Variants in NUDT21 observed in about 807,000 individuals in gnomAD.
NUDT21 encodes cleavage and polyadenylation specificity factor subunit 5.
In NUDT21, 5 loss-of-function variants were observed where a neutral mutation model predicts 29.8. That is an observed-to-expected ratio of 0.17 (90% confidence interval 0.09 to 0.35). The LOEUF is 0.35. Ranked by LOEUF, NUDT21 falls within the 10% of genes least tolerant of loss-of-function variation. The pLI is 1.00. For synonymous variants in NUDT21, 113 were observed against 98.5 expected (o/e 1.15, Z -0.87); for missense variants, 76 against 276.0 (o/e 0.28, Z 5.13).
At chr16:56,433,113 A>G (rs1298840033) in intron 6 of NUDT21, among the ~76,000 whole-genome samples, 1 of 152,174 alleles carries the variant, frequency 6.6e-6, no homozygotes, top group Admixed American at 6.5e-5. Context: ...TTCCCCCCAT[A>G]TGCATTTCAA....
rs761176467 is a variant in NUDT21 at position 56,430,032 on chromosome 16, T to A, written c.*2680A>T. 6.6e-6 allele frequency: 1 copy of A among 152,206 alleles called. No homozygotes were observed. The highest frequency in any genetic ancestry group is 1.5e-5 in the Non-Finnish European group (1 of 68,024). 9.4% of individuals were successfully genotyped at this position (152,206 alleles called of 1,614,324 possible). On this transcript the variant is annotated 3_prime_UTR_variant, in exon 7 of 7. Transcript: ENST00000300291. Reference sequence around the variant, plus strand: ...TAAACATGGAAGAAAACAGACTGGCTAATTTGGTCACACTTTGTCCAAATA... The same window carrying A: ...TAAACATGGAAGAAAACAGACTGGCAAATTTGGTCACACTTTGTCCAAATA...
chr16:56,447,547 G>C, intron 2 of NUDT21: 1 of 486,948 alleles, frequency 2.1e-6, no homozygotes, highest in South Asian at 2.2e-5. Context: ...ACTATTCCAT[G>C]GGGTTTCTAC....
chr16:56,435,743 T>TCATATATATATATATA (rs1491361552), intron 4 of NUDT21, among the ~76,000 whole-genome samples: 1 of 27,070 alleles, frequency 3.7e-5, no homozygotes, highest in East Asian at 1.0e-3. Flanking sequence ...AAAAAAAAAA[T>TCATATATATATATATA]TATATATATA....
chr16:56,450,975 T>TGGAGGCGGGGAGGTGC, intron 1 of NUDT21, 112 bp downstream of exon 1: 1 of 796,548 alleles, frequency 1.3e-6, no homozygotes, highest in Non-Finnish European at 2.0e-6. Flanking sequence ...CAGCGGGAGT[T>TGGAGGCGGGGAGGTGC]GGAGGCGGGG....
intron 3 of NUDT21, among the ~76,000 whole-genome samples, chr16:56,444,590 A>T (rs563116298): frequency 6.7e-6 from 1 of 148,196 alleles, no homozygotes; most frequent in Non-Finnish European, 1.5e-5. Flanking sequence ...ACAAGAGTGA[A>T]ACTCCGCCTC....
At chr16:56,435,464 C>T (rs1273854036) in intron 4 of NUDT21, among the ~76,000 whole-genome samples, 6 of 151,336 alleles carry the variant, frequency 4.0e-5, no homozygotes, top group Admixed American at 2.0e-4. Context: ...CAGTGGCTCA[C>T]GCCTGTAATC....
At chr16:56,449,672 A>C (rs1265639674) in intron 1 of NUDT21, among the ~76,000 whole-genome samples, 1 of 152,208 alleles carries the variant, frequency 6.6e-6, no homozygotes, top group Non-Finnish European at 1.5e-5. Flanking sequence ...CAAAACAAGA[A>C]AAGACTGTGG....
chr16:56,450,229 C>G (rs75292419), intron 1 of NUDT21, among the ~76,000 whole-genome samples: 2,254 of 152,282 alleles, frequency 0.015, 127 homozygotes, highest in East Asian at 0.099. Context: ...AACAAATCCT[C>G]AGAAACGATT....
At position 56,431,740 on chromosome 16, in the gene NUDT21, T is replaced by A. The variant is rs1248503149; in HGVS notation, c.*972A>T. ...ATTTATCAGTATTTTTTAAAGTTTT[T>A]AAAATTTCGTTTTTCTCTTAACCTG... On this transcript the variant is annotated 3_prime_UTR_variant, in exon 7 of 7. Transcript: ENST00000300291. The A allele has an allele frequency of 6.6e-6, 1 of 151,328 alleles. No homozygotes were observed. Among genetic ancestry groups the A allele is most frequent in the African/African-American group, 2.4e-5 (1 of 41,122 alleles). The allele number at this position is 151,328 out of a possible 1,614,324, so 9.4% of individuals were successfully genotyped here.
At chr16:56,450,521 A>G (rs933122318) in intron 1 of NUDT21, among the ~76,000 whole-genome samples, 3 of 152,218 alleles carry the variant, frequency 2.0e-5, no homozygotes, top group African/African-American at 7.2e-5. Context: ...ACGCGAAGGC[A>G]TAAGGCATGG....
chr16:56,449,741 A>G (rs1291900182), intron 1 of NUDT21, among the ~76,000 whole-genome samples: 6 of 152,170 alleles, frequency 3.9e-5, no homozygotes, highest in African/African-American at 1.4e-4. Context: ...CACTTTTAAA[A>G]AGGATAACAT....
At chr16:56,445,131 A>T (rs1169946070) in intron 3 of NUDT21, among the ~76,000 whole-genome samples, 1 of 152,000 alleles carries the variant, frequency 6.6e-6, no homozygotes, top group African/African-American at 2.4e-5. Flanking sequence ...TGACAGTGAG[A>T]CAAGATTGCA....
intron 3 of NUDT21, 86 bp from the exon 4 acceptor site, chr16:56,439,832 G>A: frequency 9.9e-7 from 1 of 1,011,406 alleles, no homozygotes; most frequent in Middle Eastern, 2.1e-4. Flanking sequence ...TCTTAGCAGT[G>A]CTCCTAATTG....
chr16:56,432,784 T>C, intron 6 of NUDT21, 51 bp from the exon 7 acceptor site: 1 of 1,314,248 alleles, frequency 7.6e-7, no homozygotes, highest in South Asian at 1.3e-5. Context: ...CATACTACTT[T>C]CCATATTAGA....
Position 56,430,847 on chromosome 16 carries a change from G to A in NUDT21, c.*1865C>T. 1 of 152,206 alleles carries A rather than the reference G, an allele frequency of 6.6e-6. No homozygotes were observed. Among genetic ancestry groups the A allele is most frequent in the Non-Finnish European group, 1.5e-5 (1 of 68,030 alleles). 9.4% of individuals were successfully genotyped at this position (152,206 alleles called of 1,614,324 possible). On this transcript the variant is annotated 3_prime_UTR_variant, in exon 7 of 7. Coordinates refer to ENST00000300291, the MANE Select transcript of NUDT21 (RefSeq NM_007006.3). The stretch of plus-strand genomic sequence containing the variant: ...TTTTCTCAACTAGGCCTTAGTGTAT[G>A]GATGACTGGCTCACGTACTTACTGT...
At chr16:56,451,044 G>A in intron 1 of NUDT21, 43 bp downstream of exon 1, 3 of 1,543,308 alleles carry the variant, frequency 1.9e-6, no homozygotes, top group East Asian at 2.3e-5. Flanking sequence ...GTCTATAGGA[G>A]CTTTCACGAG....
chr16:56,450,595 G>A (rs993699594), intron 1 of NUDT21, among the ~76,000 whole-genome samples: 9 of 152,202 alleles, frequency 5.9e-5, no homozygotes, highest in African/African-American at 2.2e-4. Context: ...GAAGTATTAA[G>A]TGGCACCTAA....
At chr16:56,442,311 C>T (rs761330362) in intron 3 of NUDT21, among the ~76,000 whole-genome samples, 12 of 152,206 alleles carry the variant, frequency 7.9e-5, no homozygotes, top group Non-Finnish European at 1.6e-4. Flanking sequence ...AGAAAAGGTA[C>T]AAGAGATGTA....
At chr16:56,441,270 T>A (rs1340616229) in intron 3 of NUDT21, among the ~76,000 whole-genome samples, 3 of 151,296 alleles carry the variant, frequency 2.0e-5, no homozygotes, top group Non-Finnish European at 4.4e-5. Flanking sequence ...AGAGTCTCGC[T>A]CTGTTGCCCA....
Sources: gnomAD v4.1 joint callset for allele counts (sites outside exome capture counted in the v4.1 genomes callset) on GRCh38, gnomAD v4.1.1 for gene constraint, MANE v1.5 for transcripts, NCBI Gene and HGNC (gene_info 2026-07-23, HGNC 2026-07-21) for gene names.